The following ANAPC5 variants were observed in gnomAD, a reference collection of about 807,000 sequenced individuals.
The protein encoded by ANAPC5 is anaphase-promoting complex subunit 5.
A neutral mutation model predicts 91.3 loss-of-function variants in ANAPC5; 60 were observed. The ratio of observed to expected loss-of-function variants is 0.66; its 90% CI spans 0.53 to 0.81. ANAPC5 has a LOEUF of 0.81. ANAPC5 is among the 40% of genes least tolerant of loss of function. The pLI is 0.00. For synonymous variants in ANAPC5, 340 were observed against 364.1 expected (o/e 0.93, Z 0.75); for missense variants, 690 against 931.5 (o/e 0.74, Z 3.37).
chr12:121,321,383 GCT>G (rs1354327800), intron 11 of ANAPC5, among the ~76,000 whole-genome samples: 1 of 109,278 alleles, frequency 9.2e-6, no homozygotes, highest in Non-Finnish European at 1.7e-5. Context: ...ACAGGGTCTT[GCT>G]CTGTTTCCCA....
At chr12:121,308,826 A>G in intron 16 of ANAPC5, 135 bp from the exon 17 acceptor site, 1 of 781,542 alleles carries the variant, frequency 1.3e-6, no homozygotes, top group Non-Finnish European at 2.1e-6. Context: ...TGAGAGAGAA[A>G]AAACAAACCA....
At chr12:121,351,993 T>G in intron 1 of ANAPC5, 141 bp downstream of exon 1, 1 of 781,586 alleles carries the variant, frequency 1.3e-6, no homozygotes, top group East Asian at 2.8e-5. Context: ...CTACCGGTAG[T>G]AGCTATCTTT....
intron 13 of ANAPC5, among the ~76,000 whole-genome samples, chr12:121,319,237 C>CA (rs1463354254): frequency 3.5e-5 from 5 of 141,896 alleles, no homozygotes; most frequent in African/African-American, 5.2e-5. Flanking sequence ...TCTGTATTTT[C>CA]TTTTTTTTTT....
intron 13 of ANAPC5, among the ~76,000 whole-genome samples, chr12:121,319,453 C>CA (rs1287556728): frequency 6.6e-6 from 1 of 151,978 alleles, no homozygotes; most frequent in Non-Finnish European, 1.5e-5. Flanking sequence ...AGGCTGGTCT[C>CA]AAACTCCTGA....
upstream of ANAPC5, among the ~76,000 whole-genome samples, chr12:121,352,718 T>TGGTGGTGGTGGAGGTGGTGGAGGTGGTGG (rs1555275623): frequency 9.8e-6 from 1 of 102,348 alleles, no homozygotes; most frequent in South Asian, 3.7e-4. Context: ...GTTGTTGTTG[T>TGGTGGTGGTGGAGGTGGTGGAGGTGGTGG]TGGTGGTGGT....
rs782722967 is a variant in ANAPC5 at position 121,347,898 on chromosome 12, T to G, written c.208-17A>C. 2.6e-6 allele frequency: 4 copies of G among 1,556,796 alleles called. No individual in the cohort carries two copies. In the East Asian group the frequency reaches 9.0e-5, roughly 35 times the overall value. ...ATCTGGGCCCTGTGTAAAGGAGAGA[T>G]AGGGAGGTATGGATTTTAAAGAGCT... On this transcript the variant is annotated splice_polypyrimidine_tract_variant and intron_variant, in intron 1 of 16. Transcript: ENST00000261819.
At chr12:121,333,228 A>AT (rs1333305792) in intron 7 of ANAPC5, 2 of 152,042 alleles carry the variant, frequency 1.3e-5, no homozygotes, top group African/African-American at 4.8e-5. Flanking sequence ...AGACAGGAGA[A>AT]TTTTTTACCT....
intron 6 of ANAPC5, among the ~76,000 whole-genome samples, chr12:121,336,772 G>A (rs1265939621): frequency 6.6e-6 from 1 of 152,216 alleles, no homozygotes; most frequent in Non-Finnish European, 1.5e-5. Context: ...ATGACTGAAA[G>A]AGAACATCAA....
At chr12:121,351,507 G>T (rs1213055359) in intron 1 of ANAPC5, among the ~76,000 whole-genome samples, 1 of 151,392 alleles carries the variant, frequency 6.6e-6, no homozygotes, top group African/African-American at 2.4e-5. Context: ...GCCCAAGCTG[G>T]AGTGCAGTGG....
chr12:121,344,177 G>A lies in ANAPC5; in HGVS notation c.590+1662C>T, dbSNP rs532780935. On this transcript the variant is annotated intron_variant, in intron 4 of 16. Coordinates refer to ENST00000261819, the MANE Select transcript of ANAPC5 (RefSeq NM_016237.5). ...AAATGTGATCAAACAAGACAGAGAA[G>A]GGTCTCAGTTCTCAAGGGGTGAAGA... is the stretch of plus-strand genomic sequence containing the variant. 4.6e-5 allele frequency among the ~76,000 whole-genome samples: 7 copies of A among 152,266 alleles called. No homozygotes were observed. The South Asian group carries it at 1.0e-3, about 23-fold the overall frequency.
chr12:121,338,600 A>G (rs1371751159), intron 5 of ANAPC5, among the ~76,000 whole-genome samples: 1 of 152,154 alleles, frequency 6.6e-6, no homozygotes, highest in African/African-American at 2.4e-5. Context: ...AAAAAACAAA[A>G]CAAAACAAAA....
intron 11 of ANAPC5, among the ~76,000 whole-genome samples, chr12:121,321,786 C>A (rs1902619595): frequency 6.6e-6 from 1 of 152,086 alleles, no homozygotes; most frequent in African/African-American, 2.4e-5. Context: ...AATCCACCCA[C>A]CTCAACCTCC....
chr12:121,337,384 C>G lies in ANAPC5; in HGVS notation c.666G>C (p.Leu222Phe), dbSNP rs1555273612. ...AEFFLSQQASLLKNDETKALT... is the reference protein window; with the variant it reads ...AEFFLSQQASFLKNDETKALT... ...GGGCCTTAGTCTCATCATTCTTTAG[C>G]AAAGAAGCCTGAAATTTAAAAATGG... Residue 222 changes from leucine (L) to phenylalanine (F), a missense_variant, in exon 6 of 17, where the codon TTG becomes TTC. Coordinates refer to ENST00000261819, the MANE Select transcript of ANAPC5 (RefSeq NM_016237.5). 14 of 1,611,040 alleles carry G rather than the reference C, an allele frequency of 8.7e-6. No homozygotes were observed. Among genetic ancestry groups the G allele is most frequent in the Non-Finnish European group, 1.2e-5 (14 of 1,177,806 alleles).
intron 6 of ANAPC5, among the ~76,000 whole-genome samples, chr12:121,336,022 T>TA (rs1903223256): frequency 6.6e-6 from 1 of 152,212 alleles, no homozygotes; most frequent in African/African-American, 2.4e-5. Flanking sequence ...TACTGGGCCT[T>TA]ACCTAGTTCA....
rs148709783 is a variant in ANAPC5 at position 121,311,852 on chromosome 12, A to G, written c.1894-1989T>C. On this transcript the variant is annotated intron_variant, in intron 15 of 16. Coordinates refer to ENST00000261819, the MANE Select transcript of ANAPC5 (RefSeq NM_016237.5). ...TGTCTCAGACAAAATAAAACAAAAC[A>G]AAAACCACAATAATAGTTGGGGAGC... Among the ~76,000 whole-genome samples, 69 of 152,302 alleles carry G rather than the reference A, an allele frequency of 4.5e-4. 1 individual carries two copies. In the East Asian group the frequency reaches 0.013, roughly 28 times the overall value.
chr12:121,315,857 CAT>C (rs922807242), intron 15 of ANAPC5, among the ~76,000 whole-genome samples: 1 of 152,002 alleles, frequency 6.6e-6, no homozygotes, highest in African/African-American at 2.4e-5. Context: ...GAGAAGAAAA[CAT>C]AGAAGAAAAT....
At chr12:121,349,575 T>TA (rs201734457) in intron 1 of ANAPC5, among the ~76,000 whole-genome samples, 83 of 146,432 alleles carry the variant, frequency 5.7e-4, no homozygotes, top group African/African-American at 1.6e-3. Context: ...CTAAAAAAAT[T>TA]AAAAAAAAAA....
chr12:121,346,080 G>A (rs1555274662), intron 3 of ANAPC5, 49 bp from the exon 4 acceptor site: 1 of 1,471,244 alleles, frequency 6.8e-7, no homozygotes, highest in Non-Finnish European at 9.2e-7. Flanking sequence ...TGACATCCAG[G>A]CTACGCAATG....
At chr12:121,324,049 C>T (rs1555272090) in intron 11 of ANAPC5, among the ~76,000 whole-genome samples, 4 of 152,020 alleles carry the variant, frequency 2.6e-5, no homozygotes, top group African/African-American at 9.7e-5. Context: ...AGTTCTGAGC[C>T]CCATAACTTA....
Sources: gnomAD v4.1 joint callset for allele counts (sites outside exome capture counted in the v4.1 genomes callset) on GRCh38, gnomAD v4.1.1 for gene constraint, MANE v1.5 for transcripts, NCBI Gene and HGNC (gene_info 2026-07-23, HGNC 2026-07-21) for gene names.